Variants in PCDHA6 observed in about 807,000 individuals in gnomAD.
The protein encoded by PCDHA6 is protocadherin alpha 6.
In PCDHA6, 55 loss-of-function variants were observed where a neutral mutation model predicts 60.3. The ratio of observed to expected loss-of-function variants is 0.91; its 90% confidence interval spans 0.73 to 1.14. The LOEUF (loss-of-function observed/expected upper bound fraction) is 1.14, where lower values mean the gene tolerates loss of function less well. PCDHA6 is among the 50% of genes most tolerant of loss of function. PCDHA6 has a pLI of 0.00. For synonymous variants in PCDHA6, 652 were observed against 557.9 expected (o/e 1.17, Z -2.38); for missense variants, 1,327 against 1,256.5 (o/e 1.06, Z -0.85).
At chr5:140,870,870 G>T in intron 1 of PCDHA6, 1 of 1,613,948 alleles carries the variant, frequency 6.2e-7, no homozygotes, top group African/African-American at 1.3e-5. Flanking sequence ...CGGGCCACGT[G>T]GTGGCGAAGG....
chr5:140,852,838 C>T lies in PCDHA6; in HGVS notation c.2394+22353C>T, dbSNP rs2042489635. 6 of 968,840 alleles carry T rather than the reference C, an allele frequency of 6.2e-6. 1 individual carries two copies. The Admixed American group carries it at 2.5e-4, about 41-fold the overall frequency. The allele number at this position is 968,840 out of a possible 1,614,324, so 60.0% of individuals were successfully genotyped here. A position where few individuals can be genotyped will look rare whatever the true frequency, so the allele number is the denominator to read the frequency against. Reference sequence around the variant, plus strand: ...CCTAAGTCCTCCAGTCTCCTTAGAGCTAGTACTTACTAAGCATTTACTATG... The same window carrying T: ...CCTAAGTCCTCCAGTCTCCTTAGAGTTAGTACTTACTAAGCATTTACTATG... On this transcript the variant is annotated intron_variant, in intron 1 of 3. Coordinates refer to ENST00000529310, the MANE Select transcript of PCDHA6 (RefSeq NM_018909.4).
rs2150416183 is a variant in PCDHA6, at chr5:140,848,654, G to A, written c.2394+18169G>A. ...TGGGCCGCATCGCGCAGGACCTGGG[G>A]CTGGAGCTGGCGGAGCTGGTGCCGC... On this transcript the variant is annotated intron_variant, in intron 1 of 3. Coordinates refer to ENST00000529310, the MANE Select transcript of PCDHA6 (RefSeq NM_018909.4). The A allele has an allele frequency of 3.8e-6, 6 of 1,592,752 alleles. 1 individual carries two copies. Among genetic ancestry groups the A allele is most frequent in the African/African-American group, 1.3e-5 (1 of 74,466 alleles).
intron 3 of PCDHA6, among the ~76,000 whole-genome samples, chr5:140,990,571 G>A (rs996259729): frequency 6.6e-6 from 1 of 152,102 alleles, no homozygotes; most frequent in Non-Finnish European, 1.5e-5. Flanking sequence ...ACACCTGTTC[G>A]ATCTCTTTTC....
chr5:140,980,057 C>T (rs559895684), intron 2 of PCDHA6, among the ~76,000 whole-genome samples: 2 of 152,272 alleles, frequency 1.3e-5, no homozygotes, highest in East Asian at 3.9e-4. Context: ...GATTCAGAAG[C>T]AATCAGTGAA....
At chr5:140,850,395 A>G in intron 1 of PCDHA6, 3 of 1,597,894 alleles carry the variant, frequency 1.9e-6, no homozygotes, top group Non-Finnish European at 1.7e-6. Context: ...GATCAGCACA[A>G]CGCGTGCCCT....
chr5:140,829,364 G>A lies in PCDHA6; in HGVS notation c.1273G>A (p.Val425Ile). 1 of 1,614,244 alleles carries A rather than the reference G, an allele frequency of 6.2e-7. No individual in the cohort carries two copies. Among genetic ancestry groups the A allele is most frequent in the Non-Finnish European group, 8.5e-7 (1 of 1,180,054 alleles). Residue 425 changes from valine to isoleucine, a missense_variant, in exon 1 of 4, where the codon GTA (valine) becomes ATA (isoleucine). Physicochemically the swap from Val to Ile is conservative, Grantham distance 29. Coordinates refer to ENST00000529310, the MANE Select transcript of PCDHA6 (RefSeq NM_018909.4). ...RESVSAYELV[V>I]TARDGGSPSL... ...GAGCGTGTCGGCCTATGAGTTGGTG[G>A]TAACCGCGCGGGACGGGGGCTCGCC...
rs999939821 is a variant in PCDHA6, at chr5:140,972,909, G to A, written c.2395-6040G>A. ...GATCTCTTGACCTTGTGATCCACCC[G>A]CCTTGGCCTCCCAAAGTGCTGGGAT... is the stretch of plus-strand genomic sequence containing the variant. On this transcript the variant is annotated intron_variant, in intron 1 of 3. Transcript: ENST00000529310. 5.3e-4 allele frequency among the ~76,000 whole-genome samples: 80 copies of A among 152,056 alleles called. 1 individual carries two copies. Among genetic ancestry groups the A allele is most frequent in the African/African-American group, 1.8e-3 (75 of 41,484 alleles).
chr5:140,927,049 C>T (rs1554203972), intron 1 of PCDHA6: 5 of 1,611,932 alleles, frequency 3.1e-6, no homozygotes, highest in Non-Finnish European at 4.2e-6. Context: ...TATGTCCTCG[C>T]GGAACTTTCG....
At chr5:140,893,104 T>A (rs2063818844) in intron 1 of PCDHA6, among the ~76,000 whole-genome samples, 1 of 152,224 alleles carries the variant, frequency 6.6e-6, no homozygotes, top group South Asian at 2.1e-4. Flanking sequence ...TGGATAATAT[T>A]CCGTTGTGCA....
intron 1 of PCDHA6, among the ~76,000 whole-genome samples, chr5:140,977,356 T>C (rs1563455891): frequency 6.6e-6 from 1 of 152,250 alleles, no homozygotes; most frequent in African/African-American, 2.4e-5. Flanking sequence ...GACTGATTGA[T>C]AAAAAGTATT....
At chr5:140,891,849 C>G (rs1446447359) in intron 1 of PCDHA6, among the ~76,000 whole-genome samples, 2 of 152,262 alleles carry the variant, frequency 1.3e-5, no homozygotes, top group African/African-American at 4.8e-5. Context: ...TGGAAGGAGC[C>G]TGTCCCTCTC....
At chr5:140,834,409 CA>C (rs1179533685) in intron 1 of PCDHA6, 2 of 1,610,410 alleles carry the variant, frequency 1.2e-6, no homozygotes, top group Non-Finnish European at 1.7e-6. Context: ...GGATACGACC[CA>C]GGGGGCCGAC....
intron 3 of PCDHA6, among the ~76,000 whole-genome samples, chr5:140,986,383 A>G (rs1277624649): frequency 2.6e-5 from 4 of 152,178 alleles, no homozygotes; most frequent in Admixed American, 1.3e-4. Flanking sequence ...GGGGAGGGAC[A>G]TTAAAGGGCC....
chr5:140,929,613 C>G (rs1485250435), intron 1 of PCDHA6: 2 of 406,044 alleles, frequency 4.9e-6, no homozygotes, highest in Admixed American at 8.8e-5. Flanking sequence ...AATAAAATAC[C>G]AAAATATTTT....
At position 140,987,235 on chromosome 5, in the gene PCDHA6, T is replaced by G. The variant is rs189203030; in HGVS notation, c.2542+4672T>G. Among the ~76,000 whole-genome samples, 565 of 151,370 alleles carry G rather than the reference T, an allele frequency of 3.7e-3. 4 individuals are homozygous for G. The highest frequency in any genetic ancestry group is 0.013 in the African/African-American group (539 of 41,236). On this transcript the variant is annotated intron_variant, in intron 3 of 3. Transcript: ENST00000529310. Reference sequence around the variant, plus strand: ...TCTCAAAAAAAAAAAAAATAATAAATAAAGAAAGAAAGACATTCTCAGGAA... The same window carrying G: ...TCTCAAAAAAAAAAAAAATAATAAAGAAAGAAAGAAAGACATTCTCAGGAA...
chr5:140,831,224 A>C (rs2150192658), intron 1 of PCDHA6: 1 of 152,206 alleles, frequency 6.6e-6, no homozygotes. Flanking sequence ...TGAAAACTGC[A>C]TTCCTCTGGC....
intron 1 of PCDHA6, chr5:140,835,904 C>T: frequency 1.2e-6 from 2 of 1,612,178 alleles, no homozygotes; most frequent in South Asian, 1.1e-5. Flanking sequence ...TGTCGAGCTA[C>T]GTGTCAGTGC....
chr5:140,965,299 C>A (rs1295211520), intron 1 of PCDHA6, among the ~76,000 whole-genome samples: 4 of 152,134 alleles, frequency 2.6e-5, no homozygotes, highest in African/African-American at 7.2e-5. Context: ...TTCCTCTGAT[C>A]CTTCTACCTT....
At chr5:140,894,414 C>A (rs1554186083) in intron 1 of PCDHA6, among the ~76,000 whole-genome samples, 2 of 151,928 alleles carry the variant, frequency 1.3e-5, no homozygotes, top group African/African-American at 4.8e-5. Flanking sequence ...TCTTTTGTAG[C>A]TAACACTCCT....
Sources: gnomAD v4.1 joint callset for allele counts (sites outside exome capture counted in the v4.1 genomes callset) on GRCh38, gnomAD v4.1.1 for gene constraint, MANE v1.5 for transcripts, NCBI Gene and HGNC (gene_info 2026-07-23, HGNC 2026-07-21) for gene names.